UMAD1: variants seen among roughly 807,000 people sequenced by gnomAD.
The protein encoded by UMAD1 is UBAP1-MVB12-associated (UMA) domain containing 1, also known as UBAP1-MVB12-associated (UMA)-domain containing protein 1.
UMAD1 carries 8 observed loss-of-function variants against 6.1 expected under a neutral mutation model. The observed-to-expected ratio is 1.30, with a 90% CI of 0.76 to 2.35. The LOEUF (loss-of-function observed/expected upper bound fraction) is 2.35, where lower values mean the gene tolerates loss of function less well. Ranked by LOEUF, UMAD1 falls within the 30% of genes most tolerant of loss-of-function variation. The pLI is 0.00. For synonymous variants in UMAD1, 56 were observed against 31.4 expected (o/e 1.78, Z -2.61); for missense variants, 130 against 78.4 (o/e 1.66, Z -2.49).
chr7:7,653,582 G>A (rs191219644), intron 1 of UMAD1, among the ~76,000 whole-genome samples: 2 of 152,182 alleles, frequency 1.3e-5, no homozygotes, highest in Non-Finnish European at 2.9e-5. Flanking sequence ...CATTCACAGA[G>A]GAGTTACAAC....
In UMAD1 at chr7:7,830,200, T is replaced by C. The variant is rs1783433826; in HGVS notation, c.156+28457T>C. Among the ~76,000 whole-genome samples the C allele has an allele frequency of 6.6e-6, 1 of 152,204 alleles. No individual in the cohort carries two copies. Among genetic ancestry groups the C allele is most frequent in the South Asian group, 2.1e-4 (1 of 4,836 alleles). On this transcript the variant is annotated intron_variant, in intron 3 of 3. Transcript: ENST00000682710. This position sits in a 1 kb window ranked among gnomAD's most constrained non-coding sequence, Gnocchi z 5.3. ...GCCCCTGCTAGGACTGTGTCTACCTTGTACGTTGTGCTGGAATCAACTTGC... is the reference window on the plus strand; with the variant it reads ...GCCCCTGCTAGGACTGTGTCTACCTCGTACGTTGTGCTGGAATCAACTTGC...
chr7:7,833,485 T>G (rs1287609846), intron 3 of UMAD1, among the ~76,000 whole-genome samples: 1 of 152,070 alleles, frequency 6.6e-6, no homozygotes, highest in Non-Finnish European at 1.5e-5. Flanking sequence ...ATAAGAAAGG[T>G]GCTTCTGTCT....
At chr7:7,724,429 C>T (rs1781103956) in intron 2 of UMAD1, among the ~76,000 whole-genome samples, 1 of 152,172 alleles carries the variant, frequency 6.6e-6, no homozygotes, top group South Asian at 2.1e-4. Flanking sequence ...AGAACCCCCA[C>T]ATTGGCTCCC....
At chr7:7,749,983 T>C (rs949558319) in intron 2 of UMAD1, among the ~76,000 whole-genome samples, 5 of 152,262 alleles carry the variant, frequency 3.3e-5, no homozygotes, top group African/African-American at 1.2e-4. Context: ...TTGATTATGT[T>C]TGACATCTTA....
intron 2 of UMAD1, among the ~76,000 whole-genome samples, chr7:7,709,162 A>G (rs1780685447): frequency 6.6e-6 from 1 of 152,180 alleles, no homozygotes; most frequent in South Asian, 2.1e-4. Context: ...TAATTTTATT[A>G]GTTGTTTGAA....
rs142478009 is a variant in UMAD1 at position 7,731,279 on chromosome 7, C to T, written c.82+57826C>T. Among the ~76,000 whole-genome samples, 421 of 152,168 alleles carry T rather than the reference C, an allele frequency of 2.8e-3. 1 individual carries two copies. The highest frequency in any genetic ancestry group is 7.7e-3 in the South Asian group (37 of 4,824). On this transcript the variant is annotated intron_variant, in intron 2 of 3. Transcript: ENST00000682710. ...CCTCCCAAAGTGCTGGGATTACAGC[C>T]GTCAGCCACTGCACCCGGCCTCAAA...
chr7:7,750,402 T>A (rs1207691417), intron 2 of UMAD1, among the ~76,000 whole-genome samples: 1 of 152,146 alleles, frequency 6.6e-6, no homozygotes, highest in Non-Finnish European at 1.5e-5. Flanking sequence ...GGCCCAGAAA[T>A]GTGTTTGTGC....
At chr7:7,741,470 G>A (rs548662216) in intron 2 of UMAD1, among the ~76,000 whole-genome samples, 1 of 151,602 alleles carries the variant, frequency 6.6e-6, no homozygotes, top group Middle Eastern at 3.2e-3. Context: ...CCAGCCACCC[G>A]GGAGGCTGAG....
intron 2 of UMAD1, among the ~76,000 whole-genome samples, chr7:7,778,138 G>A (rs930165085): frequency 6.6e-6 from 1 of 151,860 alleles, no homozygotes; most frequent in African/African-American, 2.4e-5. Flanking sequence ...TCTGAAAAAG[G>A]CTTTTTGTAC....
At chr7:7,869,285 T>C (rs1026451086) in intron 3 of UMAD1, among the ~76,000 whole-genome samples, 2 of 152,300 alleles carry the variant, frequency 1.3e-5, no homozygotes, top group South Asian at 2.1e-4. Flanking sequence ...TGGATAGTTA[T>C]CTAGGGAGAT....
intron 3 of UMAD1, among the ~76,000 whole-genome samples, chr7:7,870,534 A>T (rs1041971249): frequency 1.3e-5 from 2 of 152,200 alleles, no homozygotes; most frequent in African/African-American, 4.8e-5. Context: ...AAATGAAAAA[A>T]ATCACAAGAC....
At chr7:7,648,225 C>G (rs901911992) in intron 1 of UMAD1, among the ~76,000 whole-genome samples, 1 of 152,134 alleles carries the variant, frequency 6.6e-6, no homozygotes, top group Non-Finnish European at 1.5e-5. Context: ...GGGATGGATT[C>G]CTTTCTAAGA....
chr7:7,844,655 G>T (rs1281106983), intron 3 of UMAD1, among the ~76,000 whole-genome samples: 1 of 152,014 alleles, frequency 6.6e-6, no homozygotes. Flanking sequence ...TTCAAAGTTA[G>T]ACTGTAAGAA....
At chr7:7,849,331 G>C (rs1457933585) in intron 3 of UMAD1, among the ~76,000 whole-genome samples, 1 of 152,126 alleles carries the variant, frequency 6.6e-6, no homozygotes, top group Non-Finnish European at 1.5e-5. Context: ...AGAAACATAA[G>C]GTAGCTTTTC....
At chr7:7,676,239 T>C (rs1474814634) in intron 2 of UMAD1, 12 of 398,410 alleles carry the variant, frequency 3.0e-5, no homozygotes, top group Non-Finnish European at 4.4e-5. Flanking sequence ...CCACTTAGCA[T>C]ATCTAGGAAA....
intron 1 of UMAD1, among the ~76,000 whole-genome samples, chr7:7,642,019 G>C (rs28916286): frequency 0.054 from 8,292 of 152,220 alleles, 745 homozygotes; most frequent in African/African-American, 0.19. Context: ...GGTTGTATTG[G>C]TGCAAGTCAG....
At chr7:7,833,859 C>G (rs1205125816) in intron 3 of UMAD1, among the ~76,000 whole-genome samples, 6 of 152,064 alleles carry the variant, frequency 3.9e-5, no homozygotes, top group African/African-American at 7.2e-5. Context: ...CAGAGAGGAA[C>G]AGTATTCTCC....
chr7:7,642,110 G>C lies in UMAD1; in HGVS notation c.-64+1289G>C, dbSNP rs536356088. ...AAAGCAAGTTGATGTGCATTATATA[G>C]GGGAGAGTACACACATCAATGTCTT... On this transcript the variant is annotated intron_variant, in intron 1 of 3. Coordinates refer to ENST00000682710, the MANE Select transcript of UMAD1 (RefSeq NM_001302348.2). 1.1e-3 allele frequency among the ~76,000 whole-genome samples: 162 copies of C among 152,220 alleles called. 1 individual carries two copies. Among genetic ancestry groups the C allele is most frequent in the Non-Finnish European group, 1.9e-3 (128 of 68,004 alleles).
intron 2 of UMAD1, among the ~76,000 whole-genome samples, chr7:7,699,542 G>A (rs992195729): frequency 6.6e-6 from 1 of 152,194 alleles, no homozygotes; most frequent in Non-Finnish European, 1.5e-5. Flanking sequence ...AACTGCTAGA[G>A]AACTGAATCC....
Sources: allele counts gnomAD v4.1 joint callset (sites outside exome capture counted in the v4.1 genomes callset), GRCh38; gene constraint gnomAD v4.1.1; non-coding constraint Gnocchi (gnomAD v3.1); transcripts MANE v1.5; gene names NCBI Gene and HGNC (gene_info 2026-07-23, HGNC 2026-07-21).